DPYD: variants seen among roughly 807,000 people sequenced by gnomAD.
DPYD encodes dihydropyrimidine dehydrogenase [NADP(+)].
Under a neutral mutation model 116.2 loss-of-function variants are expected in DPYD, and 109 were observed. That is an observed-to-expected ratio of 0.94 (90% CI 0.80 to 1.10). The LOEUF (loss-of-function observed/expected upper bound fraction) is 1.10. Ranked by LOEUF, DPYD falls within the 50% of genes least tolerant of loss-of-function variation. The pLI, the probability that DPYD is intolerant of heterozygous loss-of-function variation, is 0.00. For synonymous variants in DPYD, 440 were observed against 432.0 expected, an observed-to-expected ratio of 1.02 and a Z score of -0.23; for missense variants, 1,302 against 1,254.5, an observed-to-expected ratio of 1.04 and a Z score of -0.57.
At chr1:97,428,423 A>C (rs548313415) in intron 14 of DPYD, among the ~76,000 whole-genome samples, 17 of 152,246 alleles carry the variant, frequency 1.1e-4, no homozygotes, top group African/African-American at 4.1e-4. Context: ...ATTTTTTAAA[A>C]ATTTAGTGCC....
At chr1:97,589,621 T>A (rs539668554) in intron 10 of DPYD, among the ~76,000 whole-genome samples, 1 of 152,202 alleles carries the variant, frequency 6.6e-6, no homozygotes, top group Non-Finnish European at 1.5e-5. Flanking sequence ...TAATAAACCA[T>A]GTTAAATGTA....
At chr1:97,466,173 A>C (rs1274877030) in intron 13 of DPYD, among the ~76,000 whole-genome samples, 1 of 152,178 alleles carries the variant, frequency 6.6e-6, no homozygotes, top group Non-Finnish European at 1.5e-5. Flanking sequence ...AAATTATAAC[A>C]AAAAAAGTTG....
At chr1:97,171,234 T>C (rs1482488917) in intron 20 of DPYD, among the ~76,000 whole-genome samples, 1 of 152,086 alleles carries the variant, frequency 6.6e-6, no homozygotes, top group Non-Finnish European at 1.5e-5. Context: ...TTGATGCCAA[T>C]GATGAAAGGT....
intron 2 of DPYD, among the ~76,000 whole-genome samples, chr1:97,832,664 G>C (rs1243079339): frequency 6.6e-6 from 1 of 152,048 alleles, no homozygotes; most frequent in African/African-American, 2.4e-5. Context: ...AGCAATTGAA[G>C]TAGAAACTGG....
intron 13 of DPYD, among the ~76,000 whole-genome samples, chr1:97,509,404 T>C (rs533026065): frequency 2.0e-5 from 3 of 151,790 alleles, no homozygotes; most frequent in South Asian, 4.2e-4. Context: ...GGTATGAAAA[T>C]TGTTATTGGA....
intron 20 of DPYD, among the ~76,000 whole-genome samples, chr1:97,110,778 T>C (rs1651534031): frequency 1.3e-5 from 2 of 152,116 alleles, no homozygotes; most frequent in Admixed American, 6.6e-5. Flanking sequence ...ACAACAATCT[T>C]TATTGTGCAA....
intron 8 of DPYD, among the ~76,000 whole-genome samples, chr1:97,606,037 T>A (rs1655574410): frequency 6.6e-6 from 1 of 152,062 alleles, no homozygotes; most frequent in Admixed American, 6.6e-5. Context: ...TGTATAATCA[T>A]TATATATCTA....
intron 8 of DPYD, among the ~76,000 whole-genome samples, chr1:97,641,393 C>G (rs986628186): frequency 6.6e-6 from 1 of 152,098 alleles, no homozygotes; most frequent in African/African-American, 2.4e-5. Flanking sequence ...AAAAGACTTT[C>G]TAACCACCAA....
At chr1:97,289,077 G>C (rs1665941993) in intron 18 of DPYD, among the ~76,000 whole-genome samples, 1 of 152,134 alleles carries the variant, frequency 6.6e-6, no homozygotes, top group Non-Finnish European at 1.5e-5. Context: ...AAATAAACTA[G>C]AAAATCTAGA....
At chr1:97,140,064 GAA>G (rs1654102810) in intron 20 of DPYD, among the ~76,000 whole-genome samples, 1 of 151,530 alleles carries the variant, frequency 6.6e-6, no homozygotes, top group South Asian at 2.1e-4. Context: ...TTGCTACTTG[GAA>G]AAAATCTGCC....
intron 16 of DPYD, among the ~76,000 whole-genome samples, chr1:97,363,733 A>T (rs1670873302): frequency 6.6e-6 from 1 of 152,194 alleles, no homozygotes; most frequent in Non-Finnish European, 1.5e-5. Context: ...GTTCTCACTC[A>T]TAGGTGGGAA....
At chr1:97,392,064 G>T (rs1225370642) in intron 14 of DPYD, among the ~76,000 whole-genome samples, 1 of 152,114 alleles carries the variant, frequency 6.6e-6, no homozygotes, top group East Asian at 1.9e-4. Flanking sequence ...CATACAACAG[G>T]AACACTTGGC....
chr1:97,897,121 T>C (rs909857662), intron 1 of DPYD, among the ~76,000 whole-genome samples: 15 of 151,928 alleles, frequency 9.9e-5, no homozygotes, highest in African/African-American at 3.6e-4. Context: ...GCAACTTTTG[T>C]ATGCCTGAAA....
At chr1:97,847,074 G>A (rs988252538) in intron 2 of DPYD, among the ~76,000 whole-genome samples, 3 of 152,102 alleles carry the variant, frequency 2.0e-5, no homozygotes, top group Non-Finnish European at 2.9e-5. Context: ...TATTTCCAAC[G>A]GATTGCCATG....
intron 12 of DPYD, among the ~76,000 whole-genome samples, chr1:97,537,801 C>T (rs755556952): frequency 5.9e-5 from 9 of 152,098 alleles, no homozygotes; most frequent in African/African-American, 1.2e-4. Flanking sequence ...AAAAAATATA[C>T]GTTGAGGGCA....
intron 5 of DPYD, among the ~76,000 whole-genome samples, chr1:97,714,417 T>C (rs1244839187): frequency 2.0e-5 from 3 of 151,906 alleles, no homozygotes; most frequent in Non-Finnish European, 4.4e-5. Context: ...TTTTACCATG[T>C]TGGCCAAGAT....
chr1:97,116,806 T>C (rs1651999992), intron 20 of DPYD, among the ~76,000 whole-genome samples: 1 of 152,120 alleles, frequency 6.6e-6, no homozygotes, highest in Admixed American at 6.6e-5. Context: ...TGCAGTGTTT[T>C]ATATACAGAT....
chr1:97,228,972 C>T (rs1165899565), intron 19 of DPYD, among the ~76,000 whole-genome samples: 1 of 151,580 alleles, frequency 6.6e-6, no homozygotes, highest in Non-Finnish European at 1.5e-5. Context: ...CCGAGGTGGG[C>T]GGATCACGAG....
chr1:97,719,935 G>A (rs1662826124), intron 5 of DPYD: 1 of 984,820 alleles, frequency 1.0e-6, no homozygotes, highest in East Asian at 1.1e-4. Context: ...TGATACTTAT[G>A]GCAAGACCTA....
Sources: allele counts gnomAD v4.1 joint callset (sites outside exome capture counted in the v4.1 genomes callset), GRCh38; gene constraint gnomAD v4.1.1; transcripts MANE v1.5; gene names NCBI Gene and HGNC (gene_info 2026-07-23, HGNC 2026-07-21).